The following CDK14 variants were observed in gnomAD, a reference collection of about 807,000 sequenced individuals.
CDK14 encodes cyclin-dependent kinase 14.
CDK14 carries 34 observed loss-of-function variants against 60.7 expected under a neutral mutation model. That is an observed-to-expected ratio of 0.56 (90% CI 0.43 to 0.75). The LOEUF (loss-of-function observed/expected upper bound fraction) is 0.75. Among genes scored for constraint, CDK14 ranks in the 30% least tolerant of loss-of-function variants. CDK14 has a pLI of 0.00. For missense variants in CDK14, 482 were observed against 564.1 expected (o/e 0.85, Z 1.47); for synonymous variants, 197 against 203.7 (o/e 0.97, Z 0.28).
intron 6 of CDK14, among the ~76,000 whole-genome samples, chr7:90,876,308 C>T (rs371681420): frequency 3.1e-4 from 47 of 152,278 alleles, no homozygotes; most frequent in African/African-American, 1.1e-3. Flanking sequence ...CTACATAATC[C>T]CCCATTTTAG....
At chr7:91,112,433 T>C in intron 12 of CDK14, 109 bp from the exon 13 acceptor site, 2 of 1,236,634 alleles carry the variant, frequency 1.6e-6, no homozygotes, top group Non-Finnish European at 2.2e-6. Context: ...GGTAATTTGT[T>C]TTTCTAGCCA....
intron 11 of CDK14, among the ~76,000 whole-genome samples, chr7:91,065,705 A>G (rs1797954373): frequency 6.6e-6 from 1 of 152,194 alleles, no homozygotes; most frequent in Non-Finnish European, 1.5e-5. Flanking sequence ...AAGGCCTCTC[A>G]GTATTGGTTC....
At chr7:90,626,521 A>G (rs922097118) in intron 2 of CDK14, among the ~76,000 whole-genome samples, 15 of 152,226 alleles carry the variant, frequency 9.9e-5, no homozygotes, top group Non-Finnish European at 1.6e-4. Context: ...TAATTTATCT[A>G]TAGATTATAA....
chr7:90,790,260 TTTAA>T (rs758276758), intron 4 of CDK14, among the ~76,000 whole-genome samples: 11 of 152,112 alleles, frequency 7.2e-5, no homozygotes, highest in Non-Finnish European at 1.3e-4. Flanking sequence ...TTGCATGATT[TTTAA>T]TTAATCTGAG....
intron 10 of CDK14, among the ~76,000 whole-genome samples, chr7:91,006,197 A>G (rs1213950067): frequency 6.6e-6 from 1 of 152,256 alleles, no homozygotes; most frequent in Non-Finnish European, 1.5e-5. Flanking sequence ...TTGGAAAAGA[A>G]CTTGAAGTTT....
chr7:91,033,113 T>TCA (rs1796811444), intron 10 of CDK14, among the ~76,000 whole-genome samples: 2 of 152,170 alleles, frequency 1.3e-5, no homozygotes, highest in African/African-American at 2.4e-5. Context: ...GCAGCTGAAG[T>TCA]AAAAGCATCG....
chr7:91,109,003 A>G (rs1051336967), intron 12 of CDK14, among the ~76,000 whole-genome samples: 21 of 152,186 alleles, frequency 1.4e-4, no homozygotes, highest in African/African-American at 4.8e-4. Flanking sequence ...TTTAAGGTAG[A>G]CATGCCTTAT....
In CDK14 at chr7:91,042,499, A is replaced by T. The variant is rs750887123; in HGVS notation, c.1042-3398A>T. 2.3e-4 allele frequency among the ~76,000 whole-genome samples: 35 copies of T among 152,334 alleles called. No individual in the cohort carries two copies. In the Middle Eastern group the frequency reaches 0.014, roughly 59 times the overall value. ...CCAGGAGCACTTCAAGGCAGAGTCC[A>T]AGTCCTTACATCTTCTGTGAGGAGT... On this transcript the variant is annotated intron_variant, in intron 10 of 14. Coordinates refer to ENST00000380050, the MANE Select transcript of CDK14 (RefSeq NM_001287135.2).
intron 2 of CDK14, among the ~76,000 whole-genome samples, chr7:90,611,226 C>T (rs1239224025): frequency 1.3e-5 from 2 of 152,172 alleles, no homozygotes; most frequent in South Asian, 2.1e-4. Context: ...CCATCTCGTC[C>T]ATAACTTCAG....
intron 2 of CDK14, among the ~76,000 whole-genome samples, chr7:90,700,922 A>G (rs12704571): frequency 0.82 from 124,643 of 152,130 alleles, 51,194 homozygotes; most frequent in Non-Finnish European, 0.84. Context: ...TTAATACAAA[A>G]CTCAATAAAT....
intron 14 of CDK14, among the ~76,000 whole-genome samples, chr7:91,201,272 T>C (rs530144627): frequency 1.3e-5 from 2 of 152,304 alleles, no homozygotes; most frequent in South Asian, 4.1e-4. Context: ...TTCTGTCAAA[T>C]GTTAGTATTT....
chr7:90,816,894 T>C (rs1448319052), intron 5 of CDK14, among the ~76,000 whole-genome samples: 1 of 152,128 alleles, frequency 6.6e-6, no homozygotes, highest in Non-Finnish European at 1.5e-5. Context: ...AGAGAACAAG[T>C]GAGTCCTAGA....
At chr7:90,935,979 C>T (rs1793739165) in intron 8 of CDK14, among the ~76,000 whole-genome samples, 2 of 151,550 alleles carry the variant, frequency 1.3e-5, no homozygotes, top group Admixed American at 6.6e-5. Flanking sequence ...GAGGTTGAGG[C>T]TGCAGTGAGT....
chr7:90,731,638 G>A (rs1327737208), intron 3 of CDK14, among the ~76,000 whole-genome samples: 1 of 152,056 alleles, frequency 6.6e-6, no homozygotes. Flanking sequence ...TTGGCTGTCT[G>A]TTTGTCTGTT....
chr7:90,708,890 G>T (rs972332353), intron 2 of CDK14, among the ~76,000 whole-genome samples: 1 of 152,072 alleles, frequency 6.6e-6, no homozygotes, highest in Non-Finnish European at 1.5e-5. Flanking sequence ...TCTGTGTACC[G>T]AGGACAGGAA....
At chr7:90,740,426 C>G (rs917405916) in intron 3 of CDK14, among the ~76,000 whole-genome samples, 2 of 151,976 alleles carry the variant, frequency 1.3e-5, no homozygotes, top group Admixed American at 6.6e-5. Flanking sequence ...AAAGAGGTGA[C>G]TAAATTAAAA....
At chr7:90,874,674 G>A (rs1428819971) in intron 6 of CDK14, among the ~76,000 whole-genome samples, 6 of 150,036 alleles carry the variant, frequency 4.0e-5, no homozygotes, top group African/African-American at 7.3e-5. Flanking sequence ...GACTACAGGC[G>A]CCCGCCACCG....
At chr7:90,857,214 A>C (rs1382270730) in intron 5 of CDK14, among the ~76,000 whole-genome samples, 2 of 152,136 alleles carry the variant, frequency 1.3e-5, no homozygotes, top group African/African-American at 4.8e-5. Flanking sequence ...ATGGGACTAG[A>C]GTTTGGATGA....
At position 90,729,371 on chromosome 7, in the gene CDK14, T is replaced by TTC. The variant is rs1491366603; in HGVS notation, c.369+2559_369+2560insTC. Among the ~76,000 whole-genome samples the TTC allele has an allele frequency of 4.7e-4, 63 of 132,898 alleles. 6 individuals are homozygous for TTC. Among genetic ancestry groups the TTC allele is most frequent in the African/African-American group, 1.9e-3 (57 of 30,064 alleles). 87.2% of individuals were successfully genotyped at this position (132,898 alleles called of 152,430 possible). A position where few individuals can be genotyped will look rare whatever the true frequency, so the allele number is the denominator to read the frequency against. On this transcript the variant is annotated intron_variant, in intron 3 of 14. Coordinates refer to ENST00000380050, the MANE Select transcript of CDK14 (RefSeq NM_001287135.2). Reference sequence around the variant, plus strand: ...TTTTTTTTTTTTTTTTTTTTTTTTTTCCCCACTCATCCTAGGCAATGTGAC... The same window carrying TTC: ...TTTTTTTTTTTTTTTTTTTTTTTTTTTCCCCCACTCATCCTAGGCAATGTGAC...
Sources: allele counts gnomAD v4.1 joint callset (sites outside exome capture counted in the v4.1 genomes callset), GRCh38; gene constraint gnomAD v4.1.1; transcripts MANE v1.5; gene names NCBI Gene and HGNC (gene_info 2026-07-23, HGNC 2026-07-21).